Variants in ADAMTS13 observed in about 807,000 individuals in gnomAD.
ADAMTS13 encodes the protein ADAM metallopeptidase with thrombospondin type 1 motif 13.
Under a neutral mutation model 155.1 loss-of-function variants are expected in ADAMTS13, and 110 were observed. The ratio of observed to expected loss-of-function variants is 0.71; its 90% CI spans 0.61 to 0.83. ADAMTS13 has a LOEUF of 0.83. Among genes scored for constraint, ADAMTS13 ranks in the 40% least tolerant of loss-of-function variants. The pLI is 0.00. For missense variants in ADAMTS13, 1,707 were observed against 1,891.7 expected, an observed-to-expected ratio of 0.90 and a Z score of 1.81; for synonymous variants, 758 against 756.4, an observed-to-expected ratio of 1.00 and a Z score of -0.03.
chr9:133,419,086 C>T (rs1293866569), upstream of ADAMTS13, among the ~76,000 whole-genome samples: 1 of 152,102 alleles, frequency 6.6e-6, no homozygotes, highest in African/African-American at 2.4e-5. Flanking sequence ...GTGATCCATC[C>T]GCCTCGGCCT....
In ADAMTS13 at chr9:133,456,181, C is replaced by A; in HGVS notation, c.3513C>A (p.Leu1171=). The A allele has an allele frequency of 4.3e-6, 7 of 1,613,580 alleles. No individual in the cohort carries two copies. The highest frequency in any genetic ancestry group is 5.9e-6 in the Non-Finnish European group (7 of 1,180,038). ...GGCCCCTCGGGGAGGTGGTGACCCT[C>A]CGCGTCCTTGAGAGTTCTCTCAACT... ...IGRPLGEVVT[L]RVLESSLNCS... Residue 1171 remains leucine (L), a synonymous_variant, in exon 26 of 29, where the codon CTC becomes CTA. Coordinates refer to ENST00000355699, the MANE Select transcript of ADAMTS13 (RefSeq NM_139027.6). The surrounding 1 kb of genome is among the most constrained non-coding windows in gnomAD (Gnocchi z 4.4).
At chr9:133,444,573 C>A (rs1841925676) in intron 19 of ADAMTS13, among the ~76,000 whole-genome samples, 1 of 152,224 alleles carries the variant, frequency 6.6e-6, no homozygotes, top group African/African-American at 2.4e-5. Flanking sequence ...TCCTAAAGTG[C>A]TGAGCTACCG....
intron 8 of ADAMTS13, among the ~76,000 whole-genome samples, chr9:133,430,362 C>T (rs1840661100): frequency 6.6e-6 from 1 of 152,222 alleles, no homozygotes; most frequent in Non-Finnish European, 1.5e-5. Flanking sequence ...CCCAAGGACT[C>T]CTGGCTGAGT....
intron 1 of ADAMTS13, among the ~76,000 whole-genome samples, chr9:133,416,644 G>C (rs1554781638): frequency 1.3e-5 from 2 of 152,192 alleles, no homozygotes; most frequent in African/African-American, 4.8e-5. Flanking sequence ...GGAGAGAGCA[G>C]GCAACCTCTA....
intron 23 of ADAMTS13, among the ~76,000 whole-genome samples, chr9:133,453,401 A>G (rs1554794802): frequency 1.3e-5 from 2 of 151,914 alleles, no homozygotes; most frequent in African/African-American, 4.8e-5. Context: ...GTGCTACTGC[A>G]CTCCAGCCTG....
chr9:133,419,990 C>G (rs143320838), upstream of ADAMTS13, among the ~76,000 whole-genome samples: 1,536 of 152,218 alleles, frequency 0.01, 22 homozygotes, highest in African/African-American at 0.035. Context: ...CCGCAACCTC[C>G]ACCTCCCGGG....
intron 14 of ADAMTS13, among the ~76,000 whole-genome samples, chr9:133,438,771 G>A (rs138841709): frequency 6.6e-6 from 1 of 152,018 alleles, no homozygotes; most frequent in Non-Finnish European, 1.5e-5. Context: ...AAAATTAGCT[G>A]GGCATGATGG....
At position 133,430,011 on chromosome 9, in the gene ADAMTS13, G is replaced by A. The variant is rs1554786760; in HGVS notation, c.897G>A (p.Ala299=). Residue 299 remains alanine, a synonymous_variant, in exon 8 of 29, where the codon GCG becomes GCA. Transcript: ENST00000355699. Reference sequence around the variant, plus strand: ...GGTCCGCGGGGCACCCGCCGGATGCGCAGCCTGGCCTCTACTACAGCGCCA... The same window carrying A: ...GGTCCGCGGGGCACCCGCCGGATGCACAGCCTGGCCTCTACTACAGCGCCA... ...QPGSAGHPPD[A]QPGLYYSANE... The A allele has an allele frequency of 2.5e-6, 4 of 1,580,996 alleles. No homozygotes were observed. Among genetic ancestry groups the A allele is most frequent in the Admixed American group, 1.7e-5 (1 of 57,866 alleles).
chr9:133,453,006 C>T (rs587675832), intron 23 of ADAMTS13, among the ~76,000 whole-genome samples: 40 of 152,270 alleles, frequency 2.6e-4, no homozygotes, highest in African/African-American at 8.2e-4. Flanking sequence ...CCTCCCTGAG[C>T]GTCGGTCCAG....
intron 12 of ADAMTS13, 64 bp from the exon 13 acceptor site, chr9:133,437,685 G>T (rs587682201): frequency 6.2e-7 from 1 of 1,601,832 alleles, no homozygotes; most frequent in East Asian, 2.2e-5. Flanking sequence ...GAAGCTGGGT[G>T]GGGGCTGGGG....
At chr9:133,428,863 C>A in intron 7 of ADAMTS13, 92 bp downstream of exon 7, 1 of 1,160,896 alleles carries the variant, frequency 8.6e-7, no homozygotes, top group Non-Finnish European at 1.1e-6. Context: ...CCCCACTCCG[C>A]ATTCAGCCCT....
At chr9:133,449,164 G>A (rs587766316) in intron 22 of ADAMTS13, among the ~76,000 whole-genome samples, 35 of 152,280 alleles carry the variant, frequency 2.3e-4, no homozygotes, top group Admixed American at 1.4e-3. Flanking sequence ...TCGATGCAAC[G>A]CGTGTAAAGT....
upstream of ADAMTS13, chr9:133,417,584 T>G (rs201504589): frequency 3.7e-6 from 6 of 1,601,900 alleles, no homozygotes; most frequent in Admixed American, 1.0e-4. Context: ...GGGAATGAGC[T>G]GCGCAGCGCT....
intron 23 of ADAMTS13, among the ~76,000 whole-genome samples, chr9:133,451,894 CAAAAAAAA>C (rs34716768): frequency 2.5e-3 from 202 of 79,520 alleles, no homozygotes; most frequent in Non-Finnish European, 3.7e-3. Flanking sequence ...GACCCTGTCT[CAAAAAAAA>C]AAAAAAAAAA....
Position 133,454,374 on chromosome 9 carries a change from G to A in ADAMTS13, c.3045-41G>A, listed in dbSNP as rs34100568. 70,226 of 1,608,612 alleles carry A rather than the reference G, an allele frequency of 0.044. 1,784 individuals are homozygous for A. The highest frequency in any genetic ancestry group is 0.052 in the Non-Finnish European group (61,036 of 1,176,142). ...GCCTGCGTGGGGCAGTACTGTCTCT[G>A]GGGAGACCTAGCCTCTCTCTGGGGT... On this transcript the variant is annotated intron_variant, in intron 23 of 28. Transcript: ENST00000355699.
rs1554793797 is a variant in ADAMTS13 at position 133,449,789 on chromosome 9, G to A, written c.2868G>A (p.Gln956=). 8 of 1,613,796 alleles carry A rather than the reference G, an allele frequency of 5.0e-6. No individual in the cohort carries two copies. The highest frequency in any genetic ancestry group is 6.8e-6 in the Non-Finnish European group (8 of 1,180,052). The part of the protein sequence containing the change: ...CQAVPCPARW[Q]YKLAACSVSC... ...TGACTCCAGTTTGCTCCAGGTGGCA[G>A]TACAAGCTGGCGGCCTGCAGCGTGA... Residue 956 remains glutamine, a synonymous_variant, in exon 23 of 29, where the codon CAG becomes CAA. Coordinates refer to ENST00000355699, the MANE Select transcript of ADAMTS13 (RefSeq NM_139027.6).
chr9:133,422,657 T>G, intron 1 of ADAMTS13, 109 bp downstream of exon 1: 1 of 1,110,962 alleles, frequency 9.0e-7, no homozygotes, highest in Non-Finnish European at 1.3e-6. Context: ...AGCTTTGGGG[T>G]TTGCGCTGGG....
At position 133,445,483 on chromosome 9, in the gene ADAMTS13, C is replaced by G. The variant is rs951318988; in HGVS notation, c.2611-216C>G. ...CTCTCGGCCAGGCCCACAGTGAGCACTCATGCTGCTGAGGAGCCTGCAAAG... is the reference window on the plus strand; with the variant it reads ...CTCTCGGCCAGGCCCACAGTGAGCAGTCATGCTGCTGAGGAGCCTGCAAAG... On this transcript the variant is annotated intron_variant, in intron 20 of 28. Coordinates refer to ENST00000355699, the MANE Select transcript of ADAMTS13 (RefSeq NM_139027.6). The surrounding 1 kb of genome is among the most constrained non-coding windows in gnomAD (Gnocchi z 5.0). 6.6e-6 allele frequency among the ~76,000 whole-genome samples: 1 copy of G among 152,194 alleles called. No individual in the cohort carries two copies. The highest frequency in any genetic ancestry group is 2.1e-4 in the South Asian group (1 of 4,836).
chr9:133,459,377 T>A lies in ADAMTS13; in HGVS notation c.*197T>A. ...TCCTCGGGTACCAATAAATAAAACATGCAGGCTGACCGGCGTTTTTTTCTT... is the reference window on the plus strand; with the variant it reads ...TCCTCGGGTACCAATAAATAAAACAAGCAGGCTGACCGGCGTTTTTTTCTT... On this transcript the variant is annotated 3_prime_UTR_variant, in exon 29 of 29. Transcript: ENST00000355699. The A allele has an allele frequency of 1.4e-6, 1 of 701,182 alleles. No individual in the cohort carries two copies. Among genetic ancestry groups the A allele is most frequent in the Non-Finnish European group, 2.6e-6 (1 of 391,372 alleles). 43.4% of individuals were successfully genotyped at this position (701,182 alleles called of 1,614,324 possible).
Sources: gnomAD v4.1 joint callset for allele counts (sites outside exome capture counted in the v4.1 genomes callset) on GRCh38, gnomAD v4.1.1 for gene constraint, Gnocchi (gnomAD v3.1) non-coding constraint, MANE v1.5 for transcripts, NCBI Gene and HGNC (gene_info 2026-07-23, HGNC 2026-07-21) for gene names.